Variants in TSHZ1 observed in about 807,000 individuals in gnomAD.
TSHZ1 encodes the protein teashirt zinc finger homeobox 1, also known as teashirt homolog 1.
A neutral mutation model predicts 67.1 loss-of-function variants in TSHZ1; 12 were observed. The ratio of observed to expected loss-of-function variants is 0.18; its 90% confidence interval spans 0.11 to 0.29. TSHZ1 has a LOEUF of 0.29. Ranked by LOEUF, TSHZ1 falls within the 10% of genes least tolerant of loss-of-function variation. The pLI, the probability that TSHZ1 is intolerant of heterozygous loss-of-function variation, is 1.00. For synonymous variants in TSHZ1, 632 were observed against 622.4 expected (o/e 1.02, Z -0.23); for missense variants, 1,305 against 1,413.9 (o/e 0.92, Z 1.23).
chr18:75,249,819 C>T (rs1196214322), intron 1 of TSHZ1, among the ~76,000 whole-genome samples: 1 of 150,680 alleles, frequency 6.6e-6, no homozygotes, highest in Non-Finnish European at 1.5e-5. Flanking sequence ...ATGACTTCCT[C>T]CTCCTCACCT....
intron 1 of TSHZ1, among the ~76,000 whole-genome samples, chr18:75,274,133 G>A (rs914244927): frequency 4.6e-5 from 7 of 152,148 alleles, no homozygotes; most frequent in African/African-American, 1.7e-4. Flanking sequence ...GTCACATTCT[G>A]CACCATCGTG....
At chr18:75,220,349 GT>G (rs2022830992) in intron 1 of TSHZ1, among the ~76,000 whole-genome samples, 1 of 152,092 alleles carries the variant, frequency 6.6e-6, no homozygotes, top group Admixed American at 6.5e-5. Context: ...GAAATATATT[GT>G]TAAATTTATG....
intron 1 of TSHZ1, among the ~76,000 whole-genome samples, chr18:75,226,446 G>A (rs1394593959): frequency 6.6e-6 from 1 of 152,116 alleles, no homozygotes; most frequent in Non-Finnish European, 1.5e-5. Context: ...TCATGGGTCT[G>A]GCTACAAGTT....
chr18:75,234,189 A>G (rs2023036495), intron 1 of TSHZ1, among the ~76,000 whole-genome samples: 2 of 152,318 alleles, frequency 1.3e-5, no homozygotes, highest in Admixed American at 6.5e-5. Flanking sequence ...CTGGAGCCGG[A>G]GCCTGTGGGC....
intron 1 of TSHZ1, among the ~76,000 whole-genome samples, chr18:75,247,260 C>A (rs1286012914): frequency 6.6e-6 from 1 of 152,182 alleles, no homozygotes; most frequent in African/African-American, 2.4e-5. Context: ...GCAGGCCATG[C>A]GGTCAGGGCT....
intron 1 of TSHZ1, among the ~76,000 whole-genome samples, chr18:75,277,101 G>A (rs145910086): frequency 6.6e-6 from 1 of 152,220 alleles, no homozygotes; most frequent in Non-Finnish European, 1.5e-5. Context: ...GCCTCTGAAA[G>A]GCAGGCACGG....
rs547626473 is a variant in TSHZ1, at chr18:75,225,937, ATTTG to A, written c.40+14026_40+14029del. On this transcript the variant is annotated intron_variant, in intron 1 of 1. Transcript: ENST00000580243. ...TTGTGTATGTGGATGTCAAATGTCA[ATTTG>A]TTTGGTAAAATGTGAAGCTGAATTT... Among the ~76,000 whole-genome samples, 934 of 152,200 alleles carry A rather than the reference ATTTG, an allele frequency of 6.1e-3. 12 individuals carry two copies. Among genetic ancestry groups the A allele is most frequent in the African/African-American group, 0.022 (905 of 41,510 alleles).
intron 1 of TSHZ1, among the ~76,000 whole-genome samples, chr18:75,275,989 A>C (rs985428489): frequency 3.3e-5 from 5 of 152,322 alleles, no homozygotes; most frequent in Non-Finnish European, 7.4e-5. Flanking sequence ...CTGAAAATCA[A>C]AGTTTTTCAT....
intron 1 of TSHZ1, among the ~76,000 whole-genome samples, chr18:75,232,186 T>TA (rs768568507): frequency 2.8e-4 from 42 of 152,228 alleles, no homozygotes; most frequent in Non-Finnish European, 5.6e-4. Flanking sequence ...GTGCTGGGAT[T>TA]ACAGGCGTGA....
intron 1 of TSHZ1, among the ~76,000 whole-genome samples, chr18:75,240,652 G>A (rs2122550047): frequency 6.6e-6 from 1 of 152,236 alleles, no homozygotes; most frequent in Non-Finnish European, 1.5e-5. Context: ...TGTGTCAGCT[G>A]GTCCTCCTCC....
chr18:75,282,035 C>T (rs1225378940), intron 1 of TSHZ1, among the ~76,000 whole-genome samples: 2 of 152,198 alleles, frequency 1.3e-5, no homozygotes, highest in Admixed American at 6.5e-5. Flanking sequence ...GGAGTCCACA[C>T]AGGGCCGTGG....
chr18:75,258,520 ATTTCT>A (rs980506738), intron 1 of TSHZ1, among the ~76,000 whole-genome samples: 10 of 152,304 alleles, frequency 6.6e-5, no homozygotes, highest in Admixed American at 1.3e-4. Flanking sequence ...AAAAATAAAG[ATTTCT>A]TTATTTGGGA....
rs148613571 is a variant in TSHZ1 at position 75,224,151 on chromosome 18, A to T, written c.40+12235A>T. Among the ~76,000 whole-genome samples the T allele has an allele frequency of 2.2e-4, 33 of 151,572 alleles. No homozygotes were observed. The East Asian group carries it at 6.2e-3, about 28-fold the overall frequency. ...ACAAAACATAGATTTTTCTTATTGG[A>T]ACGCTTTCATGTTCTTTCAACCTAA... On this transcript the variant is annotated intron_variant, in intron 1 of 1. Coordinates refer to ENST00000580243, the MANE Select transcript of TSHZ1 (RefSeq NM_001308210.2).
At chr18:75,264,900 A>T (rs573844534) in intron 1 of TSHZ1, among the ~76,000 whole-genome samples, 5 of 152,378 alleles carry the variant, frequency 3.3e-5, no homozygotes, top group African/African-American at 1.2e-4. Flanking sequence ...GCAAAGATGT[A>T]CTATCCACAG....
chr18:75,229,713 G>A (rs2022972963), intron 1 of TSHZ1, among the ~76,000 whole-genome samples: 2 of 152,246 alleles, frequency 1.3e-5, no homozygotes, highest in South Asian at 2.1e-4. Flanking sequence ...AAAGAAGAAA[G>A]CAGGAAGCTG....
rs1018481672 is a variant in TSHZ1 at position 75,286,565 on chromosome 18, G to A, written c.1158G>A (p.Ala386=). ...AGTCAGCCAAGGATCAGAAAGCAGC[G>A]AACCCGTACGTCACGCCCAATAACC... ...LSESAKDQKA[A]NPYVTPNNRY... Residue 386 remains alanine (A), a synonymous_variant, in exon 2 of 2, where the codon GCG becomes GCA. Transcript: ENST00000580243. The surrounding 1 kb of genome is among the most constrained non-coding windows in gnomAD (Gnocchi z 5.1). 6.2e-6 allele frequency: 10 copies of A among 1,614,168 alleles called. No homozygotes were observed. Among genetic ancestry groups the A allele is most frequent in the South Asian group, 1.1e-5 (1 of 91,080 alleles).
At chr18:75,248,874 C>A (rs971041975) in intron 1 of TSHZ1, among the ~76,000 whole-genome samples, 1 of 152,172 alleles carries the variant, frequency 6.6e-6, no homozygotes, top group Non-Finnish European at 1.5e-5. Context: ...TAGAAATAGC[C>A]GCAGAGGCAA....
chr18:75,284,447 T>G (rs376689328), intron 1 of TSHZ1: 2 of 152,422 alleles, frequency 1.3e-5, no homozygotes, highest in East Asian at 3.9e-4. Context: ...TTAACCATTT[T>G]AAGTGCACAG....
intron 1 of TSHZ1, among the ~76,000 whole-genome samples, chr18:75,224,108 A>C (rs988797815): frequency 3.3e-5 from 5 of 149,952 alleles, no homozygotes; most frequent in African/African-American, 1.2e-4. Flanking sequence ...TTTTTAAAGG[A>C]AGGGAAAATA....
Sources: gnomAD v4.1 joint callset for allele counts (sites outside exome capture counted in the v4.1 genomes callset) on GRCh38, gnomAD v4.1.1 for gene constraint, Gnocchi (gnomAD v3.1) non-coding constraint, MANE v1.5 for transcripts, NCBI Gene and HGNC (gene_info 2026-07-23, HGNC 2026-07-21) for gene names.